The following IQSEC2 variants were observed in gnomAD, a reference collection of about 807,000 sequenced individuals.
IQSEC2 encodes the protein IQ motif and Sec7 domain ArfGEF 2.
Under a neutral mutation model 74.6 loss-of-function variants are expected in IQSEC2, and 6 were observed. That is an observed-to-expected ratio of 0.08 (90% CI 0.04 to 0.16). The LOEUF is 0.16. Ranked by LOEUF, IQSEC2 falls within the 10% of genes least tolerant of loss-of-function variation. IQSEC2 has a pLI of 1.00. For missense variants in IQSEC2, 734 were observed against 1,306.2 expected, an observed-to-expected ratio of 0.56 and a Z score of 6.75; for synonymous variants, 494 against 544.5, an observed-to-expected ratio of 0.91 and a Z score of 1.29.
rs1002591103 is a variant in IQSEC2 at position 53,258,121 on chromosome X, C to T, written c.738-2060G>A. Among the ~76,000 whole-genome samples, 3 of 111,689 alleles carry T rather than the reference C, an allele frequency of 2.7e-5. No homozygotes were observed. The Admixed American group carries it at 2.9e-4, about 11-fold the overall frequency. ...CTACCACTTGAAATGCAATCCCCAT[C>T]GTCTCCGCCATCTGCAATCTGAGAA... is the stretch of plus-strand genomic sequence containing the variant. On this transcript the variant is annotated intron_variant, in intron 2 of 14. Transcript: ENST00000642864.
chrX:53,249,160 G>T (rs782349252), intron 5 of IQSEC2, among the ~76,000 whole-genome samples: 2 of 111,544 alleles, frequency 1.8e-5, no homozygotes, highest in East Asian at 2.8e-4. Context: ...AAGAAAATCA[G>T]TATCTAATGA....
In IQSEC2 at chrX:53,295,181, C is replaced by G. The variant is rs782101453; in HGVS notation, c.708-3257G>C. Among the ~76,000 whole-genome samples the G allele has an allele frequency of 2.7e-5, 3 of 112,130 alleles. No individual in the cohort carries two copies. The South Asian group carries it at 1.1e-3, about 41-fold the overall frequency. On this transcript the variant is annotated intron_variant, in intron 1 of 14. Transcript: ENST00000642864. ...AGGATTCTCAAGAGATTTGGATATGCCAACTCCCATCCTCAGCAGTGATGG... is the reference window on the plus strand; with the variant it reads ...AGGATTCTCAAGAGATTTGGATATGGCAACTCCCATCCTCAGCAGTGATGG...
chrX:53,318,278 G>A (rs2075397553), intron 1 of IQSEC2, among the ~76,000 whole-genome samples: 1 of 112,158 alleles, frequency 8.9e-6, no homozygotes, highest in Non-Finnish European at 1.9e-5. Flanking sequence ...TTAATATATG[G>A]TCAGGAGAGA....
intron 1 of IQSEC2, among the ~76,000 whole-genome samples, chrX:53,315,220 G>A (rs1419663170): frequency 9.0e-6 from 1 of 111,663 alleles, no homozygotes; most frequent in Non-Finnish European, 1.9e-5. Flanking sequence ...GTGAAACCCC[G>A]TCTCTACTAA....
intron 2 of IQSEC2, among the ~76,000 whole-genome samples, chrX:53,259,885 C>T (rs1169597509): frequency 1.8e-5 from 2 of 112,255 alleles, no homozygotes; most frequent in African/African-American, 6.5e-5. Flanking sequence ...CGCCAGATAA[C>T]TCACTCAACA....
chrX:53,302,476 G>A (rs1389610780), intron 1 of IQSEC2, among the ~76,000 whole-genome samples: 1 of 111,809 alleles, frequency 8.9e-6, no homozygotes, highest in Non-Finnish European at 1.9e-5. Context: ...AAGTTTCTAG[G>A]CCTCCCTCAG....
At chrX:53,284,265 A>C (rs1331630995) in intron 2 of IQSEC2, among the ~76,000 whole-genome samples, 1 of 110,001 alleles carries the variant, frequency 9.1e-6, no homozygotes, top group Non-Finnish European at 1.9e-5. Flanking sequence ...ATATGATTCC[A>C]TTCACTAAGT....
chrX:53,276,181 A>G (rs2074830843), intron 2 of IQSEC2, among the ~76,000 whole-genome samples: 1 of 112,467 alleles, frequency 8.9e-6, no homozygotes. Flanking sequence ...GACTCTTCTC[A>G]TCCAAGAACA....
chrX:53,320,719 C>T lies in IQSEC2; in HGVS notation c.405G>A (p.Arg135=), dbSNP rs782085578. ...TGTCCTGGAGCGGGTAGGAGGCGTC[C>T]CGCTCCTTGTCCCGATACACAGCCT... ...NREAVYRDKE[R]DASYPLQDTT... is the part of the protein sequence containing the mutation. The change falls in exon 1 of 15, where the codon CGG becomes CGA. Residue 135 remains arginine, a synonymous_variant. Coordinates refer to ENST00000642864, the MANE Select transcript of IQSEC2 (RefSeq NM_001111125.3). 1.3e-5 allele frequency: 15 copies of T among 1,166,117 alleles called. No homozygotes were observed. In the African/African-American group the frequency reaches 1.4e-4, roughly 11 times the overall value.
chrX:53,278,003 CTTTTTTTTTTTT>C (rs36027805), intron 2 of IQSEC2, among the ~76,000 whole-genome samples: 2 of 37,573 alleles, frequency 5.3e-5, no homozygotes, highest in African/African-American at 2.4e-4. Flanking sequence ...TTTTCTTTTT[CTTTTTTTTTTTT>C]TTTTTTTTTT....
rs1354757803 is a variant in IQSEC2, at chrX:53,265,963, A to G, written c.738-9902T>C. On this transcript the variant is annotated intron_variant, in intron 2 of 14. Coordinates refer to ENST00000642864, the MANE Select transcript of IQSEC2 (RefSeq NM_001111125.3). ...GCATTGTAGAAATAGAAATCATAAA[A>G]TTGCAGTGGAATGTGTCACTGAATC... Among the ~76,000 whole-genome samples the G allele has an allele frequency of 2.7e-5, 3 of 112,701 alleles. No individual in the cohort carries two copies. In the Admixed American group the frequency reaches 2.8e-4, roughly 11 times the overall value.
chrX:53,300,094 G>A (rs1215351418), intron 1 of IQSEC2, among the ~76,000 whole-genome samples: 7 of 111,295 alleles, frequency 6.3e-5, no homozygotes, highest in Non-Finnish European at 1.1e-4. Flanking sequence ...CCATTCTCAG[G>A]TCCATACTTC....
downstream of IQSEC2, chrX:53,226,639 C>T (rs2074040183): frequency 8.9e-6 from 1 of 112,250 alleles, no homozygotes; most frequent in African/African-American, 3.2e-5. Flanking sequence ...TTAACTGTTC[C>T]TAATCAGATA....
intron 2 of IQSEC2, among the ~76,000 whole-genome samples, chrX:53,256,866 C>T (rs986243311): frequency 2.7e-5 from 3 of 112,483 alleles, no homozygotes; most frequent in African/African-American, 6.5e-5. Flanking sequence ...GGAGTCTCCA[C>T]GCGTGGCAGG....
At chrX:53,299,363 C>A (rs1372999618) in intron 1 of IQSEC2, among the ~76,000 whole-genome samples, 3 of 112,215 alleles carry the variant, frequency 2.7e-5, no homozygotes, top group Non-Finnish European at 5.6e-5. Context: ...GCTTCACTAT[C>A]AAATTACTGG....
In IQSEC2 at chrX:53,317,568, A is replaced by C. The variant is rs1415095712; in HGVS notation, c.707+2849T>G. On this transcript the variant is annotated intron_variant, in intron 1 of 14. Transcript: ENST00000642864. Reference sequence around the variant, plus strand: ...ATCGTGGTGACAGAAGCACGGGATCATTGGGAGGACTAAAGAAAGTCCCTA... The same window carrying C: ...ATCGTGGTGACAGAAGCACGGGATCCTTGGGAGGACTAAAGAAAGTCCCTA... Among the ~76,000 whole-genome samples, 4 of 112,158 alleles carry C rather than the reference A, an allele frequency of 3.6e-5. No individual in the cohort carries two copies. In the Admixed American group the frequency reaches 3.7e-4, roughly 10 times the overall value.
At position 53,255,792 on chromosome X, in the gene IQSEC2, T is replaced by C. The variant is rs782276171; in HGVS notation, c.999+8A>G. On this transcript the variant is annotated splice_region_variant and intron_variant, in intron 3 of 14. Coordinates refer to ENST00000642864, the MANE Select transcript of IQSEC2 (RefSeq NM_001111125.3). ...ACTCCCATTCCCAACCAGATGCCTC[T>C]GTTGCACCTTCTTGTCCTGCAGGTC... The C allele has an allele frequency of 9.9e-6, 12 of 1,211,900 alleles. No individual in the cohort carries two copies. The highest frequency in any genetic ancestry group is 1.3e-5 in the Non-Finnish European group (12 of 895,471).
chrX:53,244,830 G>C (rs1422025575), intron 8 of IQSEC2, among the ~76,000 whole-genome samples: 8 of 111,292 alleles, frequency 7.2e-5, no homozygotes, highest in African/African-American at 2.6e-4. Flanking sequence ...CATTTTGGGT[G>C]ATAAAAAGAA....
chrX:53,320,338 G>A, intron 1 of IQSEC2, 79 bp downstream of exon 1: 1 of 921,102 alleles, frequency 1.1e-6, no homozygotes, highest in Non-Finnish European at 1.5e-6. Context: ...ACCAGACACT[G>A]GCTTCTTACT....
Sources: gnomAD v4.1 joint callset for allele counts (sites outside exome capture counted in the v4.1 genomes callset) on GRCh38, gnomAD v4.1.1 for gene constraint, MANE v1.5 for transcripts, NCBI Gene and HGNC (gene_info 2026-07-23, HGNC 2026-07-21) for gene names.